BMS1: variants seen among roughly 807,000 people sequenced by gnomAD.
BMS1 encodes ribosome biogenesis protein BMS1 homolog.
BMS1 carries 53 observed loss-of-function variants against 138.7 expected under a neutral mutation model. The observed-to-expected ratio is 0.38, with a 90% confidence interval of 0.31 to 0.48. BMS1 has a LOEUF of 0.48. Ranked by LOEUF, BMS1 falls within the 20% of genes least tolerant of loss-of-function variation. The probability of loss-of-function intolerance (pLI) is 0.97; values close to 1 mark genes in which losing one functional copy is unlikely to be tolerated. For synonymous variants in BMS1, 504 were observed against 539.9 expected (o/e 0.93, Z 0.92); for missense variants, 1,360 against 1,565.5 (o/e 0.87, Z 2.22).
chr10:42,802,192 A>G lies in BMS1; in HGVS notation c.2303A>G (p.Asp768Gly). 6.2e-7 allele frequency: 1 copy of G among 1,613,678 alleles called. No homozygotes were observed. Among genetic ancestry groups the G allele is most frequent in the Non-Finnish European group, 8.5e-7 (1 of 1,179,746 alleles). The part of the protein sequence containing the change: ...FVTGKWEDDK[D>G]AAKVLAEDEE... ...ACTGGAAAGTGGGAAGATGATAAAG[A>G]TGCAGCCAAGGTCTTAGCAGAAGAT... Residue 768 changes from aspartate to glycine, a missense_variant, in exon 13 of 23, where the codon GAT becomes GGT. Asp to Gly is a moderately conservative substitution (Grantham distance 94). Coordinates refer to ENST00000374518, the MANE Select transcript of BMS1 (RefSeq NM_014753.4).
At chr10:42,795,118 A>G (rs1368513095) in intron 9 of BMS1, among the ~76,000 whole-genome samples, 1 of 147,234 alleles carries the variant, frequency 6.8e-6, no homozygotes, top group Non-Finnish European at 1.5e-5. Context: ...GCTGCATAGT[A>G]TTCCATGGTG....
rs1224890715 is a variant in BMS1 at position 42,785,511 on chromosome 10, A to G, written c.206A>G (p.His69Arg). Residue 69 changes from histidine (H) to arginine (R), a missense_variant, in exon 3 of 23, where the codon CAT (histidine) becomes CGT (arginine). This residue lies in a region of BMS1 where 238 missense variants were observed against 311.1 expected (regional missense o/e 0.77). Coordinates refer to ENST00000374518, the MANE Select transcript of BMS1 (RefSeq NM_014753.4). ...CAGGATTTGAAGACAAAAAAGCATCATATTCCAGTGGTTGATCGAACTCCA... is the reference window on the plus strand; with the variant it reads ...CAGGATTTGAAGACAAAAAAGCATCGTATTCCAGTGGTTGATCGAACTCCA... ...RTQDLKTKKHHIPVVDRTPLE... is the reference protein window; with the variant it reads ...RTQDLKTKKHRIPVVDRTPLE... The G allele has an allele frequency of 1.9e-6, 3 of 1,612,434 alleles. No homozygotes were observed. The highest frequency in any genetic ancestry group is 1.1e-5 in the South Asian group (1 of 90,784).
chr10:42,827,432 A>T (rs1256290911), intron 21 of BMS1, among the ~76,000 whole-genome samples: 1 of 152,168 alleles, frequency 6.6e-6, no homozygotes, highest in Non-Finnish European at 1.5e-5. Flanking sequence ...AGAGCAACAA[A>T]GCCTGAGGAT....
chr10:42,784,692 G>A, intron 2 of BMS1, 122 bp downstream of exon 2: 2 of 1,168,882 alleles, frequency 1.7e-6, no homozygotes, highest in South Asian at 2.2e-5. Context: ...GGAGATTCAT[G>A]GTGTGTGGCT....
intron 19 of BMS1, among the ~76,000 whole-genome samples, chr10:42,822,580 G>A (rs1288319430): frequency 2.0e-5 from 3 of 152,186 alleles, no homozygotes; most frequent in Non-Finnish European, 4.4e-5. Flanking sequence ...AGACAACTTG[G>A]CAAGGTTACA....
intron 8 of BMS1, among the ~76,000 whole-genome samples, chr10:42,793,631 T>C (rs777810417): frequency 6.6e-6 from 1 of 152,202 alleles, no homozygotes; most frequent in Non-Finnish European, 1.5e-5. Flanking sequence ...CTAGGTTGTT[T>C]AGGTTATCAG....
At chr10:42,823,044 A>C in intron 19 of BMS1, 74 bp from the exon 20 acceptor site, 1 of 1,320,266 alleles carries the variant, frequency 7.6e-7, no homozygotes, top group Non-Finnish European at 9.9e-7. Flanking sequence ...TCAAGGATGT[A>C]TGTTTGAAGT....
chr10:42,810,245 C>T (rs1842133272), intron 13 of BMS1, among the ~76,000 whole-genome samples: 1 of 152,070 alleles, frequency 6.6e-6, no homozygotes, highest in Admixed American at 6.5e-5. Flanking sequence ...GGTTAATGTG[C>T]TAATGTTGTA....
intron 21 of BMS1, among the ~76,000 whole-genome samples, chr10:42,829,248 T>A (rs1842737280): frequency 6.6e-6 from 1 of 151,580 alleles, no homozygotes; most frequent in South Asian, 2.1e-4. Flanking sequence ...GGGGCAGAGG[T>A]TGCAGTGAGC....
intron 7 of BMS1, 105 bp downstream of exon 7, chr10:42,792,719 G>T: frequency 6.6e-7 from 1 of 1,509,260 alleles, no homozygotes; most frequent in Non-Finnish European, 8.8e-7. Context: ...AGATGGCCTT[G>T]CTGGAGGTTT....
chr10:42,808,859 A>G (rs897344426), intron 13 of BMS1, among the ~76,000 whole-genome samples: 2 of 152,182 alleles, frequency 1.3e-5, no homozygotes, highest in Non-Finnish European at 2.9e-5. Flanking sequence ...TTGACTTCAC[A>G]TGTCAATCCC....
chr10:42,782,950 C>G (rs1841200624), intron 1 of BMS1, 120 bp downstream of exon 1: 7 of 152,414 alleles, frequency 4.6e-5, no homozygotes, highest in African/African-American at 1.2e-4. Context: ...TCTTTGCTCC[C>G]GAGGAGCGGC....
chr10:42,802,760 ATTT>A (rs1331142930), intron 13 of BMS1, among the ~76,000 whole-genome samples: 1 of 150,968 alleles, frequency 6.6e-6, no homozygotes, highest in East Asian at 1.9e-4. Context: ...CAAATATTTC[ATTT>A]TTATTATTTA....
intron 7 of BMS1, 24 bp downstream of exon 7, chr10:42,792,638 C>T (rs1841542230): frequency 6.3e-7 from 1 of 1,596,894 alleles, no homozygotes; most frequent in Non-Finnish European, 8.5e-7. Flanking sequence ...GTAGAACATA[C>T]TAGAATTACA....
At chr10:42,830,520 G>T in intron 22 of BMS1, 98 bp downstream of exon 22, 1 of 1,462,044 alleles carries the variant, frequency 6.8e-7, no homozygotes, top group South Asian at 1.4e-5. Context: ...CAGTTATTCA[G>T]GGCACTGGAA....
At chr10:42,825,443 TTCCA>T (rs1842610462) in intron 21 of BMS1, among the ~76,000 whole-genome samples, 1 of 152,256 alleles carries the variant, frequency 6.6e-6, no homozygotes, top group Non-Finnish European at 1.5e-5. Context: ...TAGGATGTCT[TTCCA>T]TTTGTTCATG....
chr10:42,790,340 T>C lies in BMS1; in HGVS notation c.465T>C (p.Asp155=), dbSNP rs746476685. ...KVADLVLMLI[D]ASFGFEMETF... ...GCTTTTAGGTACTGATGCTTATAGA[T>C]GCCAGCTTTGGGTTTGAAATGGAAA... The change falls in exon 5 of 23, where the codon GAT becomes GAC. Residue 155 remains aspartate, a synonymous_variant. Coordinates refer to ENST00000374518, the MANE Select transcript of BMS1 (RefSeq NM_014753.4). 8.1e-5 allele frequency: 131 copies of C among 1,613,810 alleles called. No homozygotes were observed. The highest frequency in any genetic ancestry group is 1.1e-4 in the Non-Finnish European group (129 of 1,179,864).
rs1489509607 is a variant in BMS1, at chr10:42,833,438, C to CATAG, written c.*2344_*2347dup. 1 of 152,074 alleles carries CATAG rather than the reference C, an allele frequency of 6.6e-6. No individual in the cohort carries two copies. Among genetic ancestry groups the CATAG allele is most frequent in the Non-Finnish European group, 1.5e-5 (1 of 68,026 alleles). 9.4% of individuals were successfully genotyped at this position (152,074 alleles called of 1,614,324 possible). A position where few individuals can be genotyped will look rare whatever the true frequency, so the allele number is the denominator to read the frequency against. On this transcript the variant is annotated 3_prime_UTR_variant, in exon 23 of 23. Transcript: ENST00000374518. ...GGCAATTTTGTCATTGTGTAAACATCATAGAGTGACACACAAACCTAGATG... is the reference window on the plus strand; with the variant it reads ...GGCAATTTTGTCATTGTGTAAACATCATAGATAGAGTGACACACAAACCTAGATG...
intron 9 of BMS1, among the ~76,000 whole-genome samples, chr10:42,795,581 A>G (rs2132314929): frequency 6.6e-6 from 1 of 151,570 alleles, no homozygotes; most frequent in Middle Eastern, 3.4e-3. Context: ...TTGGCCTCCC[A>G]AAGTTCTGGG....
Sources: allele counts gnomAD v4.1 joint callset (sites outside exome capture counted in the v4.1 genomes callset), GRCh38; gene constraint gnomAD v4.1.1; regional missense constraint gnomAD v4.1.1; transcripts MANE v1.5; gene names NCBI Gene and HGNC (gene_info 2026-07-23, HGNC 2026-07-21).